Variants in FNBP1L observed in about 807,000 individuals in gnomAD.
FNBP1L encodes the protein formin-binding protein 1-like.
Under a neutral mutation model 91.2 loss-of-function variants are expected in FNBP1L, and 36 were observed. That is an observed-to-expected ratio of 0.39 (90% confidence interval 0.30 to 0.52). FNBP1L has a LOEUF of 0.52. Ranked by LOEUF, FNBP1L falls within the 20% of genes least tolerant of loss-of-function variation. The pLI is 0.66. For missense variants in FNBP1L, 571 were observed against 732.1 expected (o/e 0.78, Z 2.54); for synonymous variants, 242 against 237.0 (o/e 1.02, Z -0.19).
rs546298514 is a variant in FNBP1L at position 93,460,878 on chromosome 1, A to T, written c.24+12573A>T. On this transcript the variant is annotated intron_variant, in intron 1 of 16. Coordinates refer to ENST00000271234, the MANE Select transcript of FNBP1L (RefSeq NM_001164473.3). ...TTGTACATCATGCTGACTACAGTTA[A>T]TAATGTATACTTGAAAGTTGCTGTA... 3.9e-5 allele frequency among the ~76,000 whole-genome samples: 6 copies of T among 152,358 alleles called. No individual in the cohort carries two copies. In the East Asian group the frequency reaches 7.7e-4, roughly 20 times the overall value.
chr1:93,450,632 T>G (rs1668460890), intron 1 of FNBP1L, among the ~76,000 whole-genome samples: 1 of 152,260 alleles, frequency 6.6e-6, no homozygotes, highest in Non-Finnish European at 1.5e-5. Context: ...CAACCTGTAC[T>G]GTGCTCTTGC....
intron 1 of FNBP1L, among the ~76,000 whole-genome samples, chr1:93,493,756 C>T (rs1670174459): frequency 6.6e-6 from 1 of 151,976 alleles, no homozygotes. Context: ...TTTATTTATT[C>T]ACTTATTTGT....
intron 13 of FNBP1L, 24 bp from the exon 14 acceptor site, chr1:93,547,320 AGTT>A: frequency 6.7e-7 from 1 of 1,496,798 alleles, no homozygotes; most frequent in African/African-American, 1.4e-5. Context: ...TATTGAGCTC[AGTT>A]GTTTGCTTAT....
chr1:93,533,088 CT>C lies in FNBP1L; in HGVS notation c.786+23del. ...AGAAGAGTAAGTGCTAAATAATTAT[CT>C]TTGAATGCATCTGTTTGGTTTAGGT... On this transcript the variant is annotated intron_variant, in intron 8 of 16. Coordinates refer to ENST00000271234, the MANE Select transcript of FNBP1L (RefSeq NM_001164473.3). 6.2e-7 allele frequency: 1 copy of C among 1,603,954 alleles called. No homozygotes were observed. Among genetic ancestry groups the C allele is most frequent in the Non-Finnish European group, 8.5e-7 (1 of 1,173,052 alleles).
At chr1:93,526,219 A>C (rs1671488815) in intron 5 of FNBP1L, among the ~76,000 whole-genome samples, 1 of 152,214 alleles carries the variant, frequency 6.6e-6, no homozygotes, top group South Asian at 2.1e-4. Flanking sequence ...TGCGAGGTCC[A>C]TCAGTTACAA....
intron 11 of FNBP1L, among the ~76,000 whole-genome samples, chr1:93,543,434 T>C (rs924729423): frequency 6.6e-6 from 1 of 152,146 alleles, no homozygotes; most frequent in Non-Finnish European, 1.5e-5. Context: ...AGGTATGTTA[T>C]TTGGTTTACA....
intron 11 of FNBP1L, 93 bp from the exon 12 acceptor site, chr1:93,544,012 TAA>T: frequency 1.2e-6 from 1 of 838,864 alleles, no homozygotes; most frequent in Non-Finnish European, 1.7e-6. Context: ...AAATTAAACT[TAA>T]GATTGGTATG....
At position 93,481,467 on chromosome 1, in the gene FNBP1L, GA is replaced by G. The variant is rs540335751; in HGVS notation, c.25-17997del. ...GACATGTTTAAGGATGCTTAACAGG[GA>G]AAATTAAGGAGACTGGCCCATTAAT... On this transcript the variant is annotated intron_variant, in intron 1 of 16. Coordinates refer to ENST00000271234, the MANE Select transcript of FNBP1L (RefSeq NM_001164473.3). Among the ~76,000 whole-genome samples the G allele has an allele frequency of 1.2e-3, 185 of 152,246 alleles. 1 individual carries two copies. The Middle Eastern group carries it at 0.017, about 14-fold the overall frequency.
chr1:93,464,716 T>G (rs1421807489), intron 1 of FNBP1L, among the ~76,000 whole-genome samples: 1 of 152,236 alleles, frequency 6.6e-6, no homozygotes, highest in Non-Finnish European at 1.5e-5. Context: ...AACATAATTA[T>G]TAAATTATTA....
At chr1:93,536,107 C>T (rs570187660) in intron 9 of FNBP1L, among the ~76,000 whole-genome samples, 14 of 151,654 alleles carry the variant, frequency 9.2e-5, no homozygotes, top group East Asian at 3.9e-4. Context: ...TTAATTTGTC[C>T]GATGTTAAAA....
intron 3 of FNBP1L, 24 bp downstream of exon 3, chr1:93,522,159 A>G (rs1377692795): frequency 7.7e-7 from 1 of 1,292,362 alleles, no homozygotes; most frequent in Non-Finnish European, 1.0e-6. Context: ...CTGTTCATTA[A>G]TGCATATTAA....
chr1:93,552,310 A>G (rs1249792582), intron 16 of FNBP1L, 99 bp from the exon 17 acceptor site: 3 of 1,505,834 alleles, frequency 2.0e-6, no homozygotes, highest in African/African-American at 1.4e-5. Context: ...CTATAAAATG[A>G]TAGAGACATT....
At chr1:93,487,341 C>G (rs1669944003) in intron 1 of FNBP1L, among the ~76,000 whole-genome samples, 1 of 152,122 alleles carries the variant, frequency 6.6e-6, no homozygotes, top group Non-Finnish European at 1.5e-5. Context: ...TCCAAGAAAG[C>G]CTGATTTGGA....
intron 1 of FNBP1L, among the ~76,000 whole-genome samples, chr1:93,455,531 C>T (rs957136720): frequency 3.3e-5 from 5 of 152,172 alleles, no homozygotes; most frequent in African/African-American, 4.8e-5. Context: ...GCATCCATGG[C>T]GAATACCAAT....
Position 93,529,866 on chromosome 1 carries a change from G to C in FNBP1L, c.510+110G>C, listed in dbSNP as rs1188251343. ...TATTAGGATTTACTTGAGATACACT[G>C]TATCTAAGTCTAAAATATACAAATA... On this transcript the variant is annotated intron_variant, in intron 6 of 16. Coordinates refer to ENST00000271234, the MANE Select transcript of FNBP1L (RefSeq NM_001164473.3). 4.6e-6 allele frequency: 3 copies of C among 646,836 alleles called. No homozygotes were observed. In the African/African-American group the frequency reaches 5.9e-5, roughly 13 times the overall value. 40.1% of individuals were successfully genotyped at this position (646,836 alleles called of 1,614,324 possible). A position where few individuals can be genotyped will look rare whatever the true frequency, so the allele number is the denominator to read the frequency against.
chr1:93,523,789 G>A (rs1215000356), intron 4 of FNBP1L, among the ~76,000 whole-genome samples: 1 of 152,128 alleles, frequency 6.6e-6, no homozygotes, highest in Non-Finnish European at 1.5e-5. Context: ...AATATTTCAT[G>A]ACATTGACAA....
intron 8 of FNBP1L, 128 bp downstream of exon 8, chr1:93,533,196 A>T (rs905601933): frequency 8.8e-5 from 57 of 645,520 alleles, no homozygotes; most frequent in Non-Finnish European, 1.3e-4. Flanking sequence ...CTGTAGAAGA[A>T]TGTCTTGCAA....
At chr1:93,526,542 A>G (rs1218079752) in intron 5 of FNBP1L, among the ~76,000 whole-genome samples, 1 of 152,168 alleles carries the variant, frequency 6.6e-6, no homozygotes. Flanking sequence ...TTTCCTCTGG[A>G]TGCCTTTGAC....
intron 1 of FNBP1L, among the ~76,000 whole-genome samples, chr1:93,476,708 G>A (rs535522706): frequency 6.6e-6 from 1 of 152,020 alleles, no homozygotes; most frequent in African/African-American, 2.4e-5. Context: ...TGGGCAGAGG[G>A]GGGGAGTTCA....
Sources: allele counts gnomAD v4.1 joint callset (sites outside exome capture counted in the v4.1 genomes callset), GRCh38; gene constraint gnomAD v4.1.1; transcripts MANE v1.5; gene names NCBI Gene and HGNC (gene_info 2026-07-23, HGNC 2026-07-21).